Variants in ZBTB20 observed in about 807,000 individuals in gnomAD.
ZBTB20 encodes zinc finger and BTB domain-containing protein 20.
ZBTB20 carries 9 observed loss-of-function variants against 56.9 expected under a neutral mutation model. The observed-to-expected ratio is 0.16, with a 90% confidence interval of 0.10 to 0.28. ZBTB20 has a LOEUF of 0.28. Ranked by LOEUF, ZBTB20 falls within the 10% of genes least tolerant of loss-of-function variation. The pLI is 1.00. For missense variants in ZBTB20, 655 were observed against 1,003.0 expected, an observed-to-expected ratio of 0.65 and a Z score of 4.69; for synonymous variants, 417 against 420.7, an observed-to-expected ratio of 0.99 and a Z score of 0.11.
intron 6 of ZBTB20, among the ~76,000 whole-genome samples, chr3:114,642,953 C>T (rs2059634335): frequency 6.6e-6 from 1 of 152,038 alleles, no homozygotes; most frequent in Non-Finnish European, 1.5e-5. Context: ...GTAAATGTCA[C>T]TTGACCCGAT....
chr3:115,020,106 CGT>C lies in ZBTB20; in HGVS notation c.-506-45692_-506-45691del, dbSNP rs572561545. On this transcript the variant is annotated intron_variant, in intron 2 of 11. Transcript: ENST00000675478. ...GACATTCCTGGGCAGCACAACTCTG[CGT>C]AGGATTAGTTGCACTTCCTCAAATG... Among the ~76,000 whole-genome samples, 81 of 151,244 alleles carry C rather than the reference CGT, an allele frequency of 5.4e-4. 1 individual carries two copies. In the East Asian group the frequency reaches 9.4e-3, roughly 17 times the overall value.
chr3:115,082,772 A>C (rs1295643043), intron 1 of ZBTB20, among the ~76,000 whole-genome samples: 1 of 152,116 alleles, frequency 6.6e-6, no homozygotes, highest in African/African-American at 2.4e-5. Flanking sequence ...AGCAAAAAGC[A>C]GCAAACACAG....
At chr3:115,067,441 G>C (rs976137103) in intron 2 of ZBTB20, among the ~76,000 whole-genome samples, 1 of 151,112 alleles carries the variant, frequency 6.6e-6, no homozygotes, top group Non-Finnish European at 1.5e-5. Context: ...TCTTTATACG[G>C]AACATCAATC....
intron 4 of ZBTB20, among the ~76,000 whole-genome samples, chr3:114,850,483 C>T (rs932863662): frequency 6.6e-6 from 1 of 152,186 alleles, no homozygotes; most frequent in African/African-American, 2.4e-5. Context: ...AATATGTATA[C>T]ACCCATTTAA....
chr3:114,929,309 G>A lies in ZBTB20; in HGVS notation c.-455-28967C>T, dbSNP rs548411776. Among the ~76,000 whole-genome samples the A allele has an allele frequency of 6.6e-5, 10 of 152,298 alleles. No homozygotes were observed. The South Asian group carries it at 1.2e-3, about 19-fold the overall frequency. On this transcript the variant is annotated intron_variant, in intron 3 of 11. Transcript: ENST00000675478. ...AGGTGGACCTAGAAAACTAGCAGTCGGTTGAAGGTCAATATGTTCCTACCT... is the reference window on the plus strand; with the variant it reads ...AGGTGGACCTAGAAAACTAGCAGTCAGTTGAAGGTCAATATGTTCCTACCT...
chr3:114,761,827 C>T (rs1011788417), intron 5 of ZBTB20, among the ~76,000 whole-genome samples: 4 of 150,008 alleles, frequency 2.7e-5, no homozygotes, highest in African/African-American at 4.9e-5. Flanking sequence ...GAGCCAGACT[C>T]CATCTCAAAA....
chr3:114,526,573 T>A (rs1444430270), intron 6 of ZBTB20, among the ~76,000 whole-genome samples: 1 of 152,134 alleles, frequency 6.6e-6, no homozygotes, highest in Non-Finnish European at 1.5e-5. Flanking sequence ...CATAAATCCC[T>A]GGAAAAAGAA....
intron 6 of ZBTB20, among the ~76,000 whole-genome samples, chr3:114,505,847 A>C (rs1263996753): frequency 6.6e-6 from 1 of 152,086 alleles, no homozygotes; most frequent in Non-Finnish European, 1.5e-5. Flanking sequence ...TTCCATCTTT[A>C]CTCTGGATAC....
At chr3:114,499,881 C>T (rs2043746005) in intron 7 of ZBTB20, among the ~76,000 whole-genome samples, 1 of 152,004 alleles carries the variant, frequency 6.6e-6, no homozygotes, top group East Asian at 1.9e-4. Context: ...ATTTTACAGT[C>T]TTGTACTTCT....
rs533193556 is a variant in ZBTB20, at chr3:114,540,481, A to G, written c.-294-40090T>C. Reference sequence around the variant, plus strand: ...ATACCTAGGCTACATCTGTAACACCAAAGTCCAATGTACTGGTACCAAACA... The same window carrying G: ...ATACCTAGGCTACATCTGTAACACCGAAGTCCAATGTACTGGTACCAAACA... On this transcript the variant is annotated intron_variant, in intron 6 of 11. Transcript: ENST00000675478. Among the ~76,000 whole-genome samples the G allele has an allele frequency of 6.6e-5, 10 of 152,260 alleles. No individual in the cohort carries two copies. In the East Asian group the frequency reaches 1.9e-3, roughly 29 times the overall value.
chr3:114,785,574 T>C (rs2070418251), intron 5 of ZBTB20, among the ~76,000 whole-genome samples: 3 of 152,182 alleles, frequency 2.0e-5, no homozygotes, highest in South Asian at 4.1e-4. Flanking sequence ...GAATTGATTG[T>C]TATTTATTAT....
At chr3:114,342,303 T>A (rs375793912) in intron 11 of ZBTB20, among the ~76,000 whole-genome samples, 27 of 152,320 alleles carry the variant, frequency 1.8e-4, no homozygotes, top group East Asian at 5.8e-4. Flanking sequence ...CTGTCGATTG[T>A]TGCTCTCCAA....
chr3:115,055,187 A>ATCTCTC (rs58480744), intron 2 of ZBTB20, among the ~76,000 whole-genome samples: 10,043 of 102,890 alleles, frequency 0.098, 1,023 homozygotes, highest in Middle Eastern at 0.13. Flanking sequence ...CCTCCTGGTA[A>ATCTCTC]TCTCTCTCTC....
At chr3:114,574,704 T>C (rs2053819220) in intron 6 of ZBTB20, among the ~76,000 whole-genome samples, 1 of 152,184 alleles carries the variant, frequency 6.6e-6, no homozygotes, top group Non-Finnish European at 1.5e-5. Context: ...ATTCCAGGTT[T>C]CTTTGATTCT....
chr3:114,546,968 G>T (rs995787253), intron 6 of ZBTB20, among the ~76,000 whole-genome samples: 2 of 152,166 alleles, frequency 1.3e-5, no homozygotes, highest in African/African-American at 4.8e-5. Flanking sequence ...CACCAACTTG[G>T]CTAACATAGA....
At chr3:114,705,588 AAAAC>A (rs997120921) in intron 5 of ZBTB20, among the ~76,000 whole-genome samples, 1 of 152,220 alleles carries the variant, frequency 6.6e-6, no homozygotes, top group Non-Finnish European at 1.5e-5. Context: ...AACACTTCCA[AAAAC>A]AAACACCCAT....
chr3:114,607,685 T>C (rs2057275524), intron 6 of ZBTB20, among the ~76,000 whole-genome samples: 2 of 152,182 alleles, frequency 1.3e-5, no homozygotes, highest in African/African-American at 4.8e-5. Flanking sequence ...TTGTCAATAA[T>C]TCTCCTGGAA....
chr3:115,133,199 T>A (rs970665238), intron 1 of ZBTB20, among the ~76,000 whole-genome samples: 1 of 152,184 alleles, frequency 6.6e-6, no homozygotes, highest in African/African-American at 2.4e-5. Flanking sequence ...GCTTTCTACT[T>A]CTTCTTAGGT....
intron 11 of ZBTB20, among the ~76,000 whole-genome samples, chr3:114,342,309 T>C (rs1393544378): frequency 6.6e-6 from 1 of 152,202 alleles, no homozygotes; most frequent in African/African-American, 2.4e-5. Context: ...ATTGTTGCTC[T>C]CCAAGTAAAG....
Sources: gnomAD v4.1 joint callset for allele counts (sites outside exome capture counted in the v4.1 genomes callset) on GRCh38, gnomAD v4.1.1 for gene constraint, MANE v1.5 for transcripts, NCBI Gene and HGNC (gene_info 2026-07-23, HGNC 2026-07-21) for gene names.